BEND7: variants seen among roughly 807,000 people sequenced by gnomAD.
BEND7 encodes the protein BEN domain containing 7, also known as BEN domain-containing protein 7.
BEND7 carries 28 observed loss-of-function variants against 50.9 expected under a neutral mutation model. The ratio of observed to expected loss-of-function variants is 0.55; its 90% CI spans 0.41 to 0.75. The LOEUF (loss-of-function observed/expected upper bound fraction) is 0.75. BEND7 is among the 30% of genes least tolerant of loss of function. The pLI, the probability that BEND7 is intolerant of heterozygous loss-of-function variation, is 0.00. For missense variants in BEND7, 477 were observed against 491.3 expected (o/e 0.97, Z 0.28); for synonymous variants, 170 against 183.9 (o/e 0.92, Z 0.61).
chr10:13,492,799 T>G lies in BEND7; in HGVS notation c.649A>C (p.Lys217Gln). 1 of 1,608,556 alleles carries G rather than the reference T, an allele frequency of 6.2e-7. No individual in the cohort carries two copies. The change falls in exon 5 of 9, where the codon AAA becomes CAA. Residue 217 changes from lysine to glutamine, a missense_variant. Coordinates refer to ENST00000466271, the MANE Select transcript of BEND7 (RefSeq NM_001369863.1). Reference protein sequence around the residue: ...QRTAVSRKRNKKKKVPPKTVE... With the variant: ...QRTAVSRKRNQKKKVPPKTVE... ...GTCTTTGGGGGCACTTTTTTCTTTT[T>G]ATTTCTCTTTCGTGAGACAGCAGTT...
chr10:13,517,004 G>C (rs2132581885), intron 2 of BEND7, among the ~76,000 whole-genome samples: 1 of 151,018 alleles, frequency 6.6e-6, no homozygotes, highest in African/African-American at 2.4e-5. Context: ...TATTCTTTAA[G>C]AAGCAAGCAG....
chr10:13,480,515 C>CTTTT (rs112536172), intron 6 of BEND7: 8 of 436,810 alleles, frequency 1.8e-5, no homozygotes, highest in East Asian at 1.6e-4. Flanking sequence ...TTTACTTTAT[C>CTTTT]TTTTTTTTTT....
intron 2 of BEND7, among the ~76,000 whole-genome samples, chr10:13,510,698 T>G (rs2078213470): frequency 6.6e-6 from 1 of 152,206 alleles, no homozygotes; most frequent in Admixed American, 6.5e-5. Context: ...TAAATCTGCC[T>G]GGTTCCAAAT....
intron 7 of BEND7, among the ~76,000 whole-genome samples, chr10:13,449,950 T>C (rs747193917): frequency 1.1e-4 from 17 of 152,190 alleles, no homozygotes; most frequent in Non-Finnish European, 2.2e-4. Context: ...GTTGGTAAAT[T>C]TGGAAAAGAT....
intron 5 of BEND7, among the ~76,000 whole-genome samples, chr10:13,485,632 C>A (rs2076172373): frequency 6.6e-6 from 1 of 152,194 alleles, no homozygotes; most frequent in African/African-American, 2.4e-5. Context: ...TAGTCTATGT[C>A]CATACCACTA....
chr10:13,444,089 C>T (rs1431615947), intron 8 of BEND7: 2 of 151,814 alleles, frequency 1.3e-5, no homozygotes. Context: ...TGCAAATTGT[C>T]CCCAGCTCCT....
chr10:13,500,195 G>A, intron 2 of BEND7, 115 bp from the exon 3 acceptor site: 4 of 933,720 alleles, frequency 4.3e-6, no homozygotes, highest in Non-Finnish European at 6.3e-6. Flanking sequence ...AAAGATGACT[G>A]ACTCTATGAA....
chr10:13,522,854 C>T (rs904905058), intron 2 of BEND7, among the ~76,000 whole-genome samples: 23 of 152,310 alleles, frequency 1.5e-4, no homozygotes, highest in Middle Eastern at 3.4e-3. Context: ...CAGGTCACCT[C>T]GACATCTCTA....
At chr10:13,501,638 G>A (rs1399917704) in intron 2 of BEND7, among the ~76,000 whole-genome samples, 1 of 152,078 alleles carries the variant, frequency 6.6e-6, no homozygotes, top group Non-Finnish European at 1.5e-5. Flanking sequence ...TTTGAGCTCA[G>A]GAGTTTGCGA....
intron 6 of BEND7, among the ~76,000 whole-genome samples, chr10:13,457,403 A>G (rs1007519907): frequency 2.6e-5 from 4 of 152,194 alleles, no homozygotes; most frequent in Non-Finnish European, 4.4e-5. Flanking sequence ...TCTAGTTTCA[A>G]TGAAAACTTA....
intron 6 of BEND7, among the ~76,000 whole-genome samples, chr10:13,477,517 A>C (rs2075542030): frequency 6.6e-6 from 1 of 152,238 alleles, no homozygotes; most frequent in Non-Finnish European, 1.5e-5. Context: ...ACAACAACAA[A>C]AAAGACCTTA....
chr10:13,454,419 C>T (rs1838466068), intron 6 of BEND7, among the ~76,000 whole-genome samples: 1 of 150,848 alleles, frequency 6.6e-6, no homozygotes, highest in Admixed American at 6.6e-5. Flanking sequence ...CCAGCCTGGG[C>T]AATACAGTGA....
chr10:13,507,927 C>A (rs1890879), intron 2 of BEND7, among the ~76,000 whole-genome samples: 4 of 152,006 alleles, frequency 2.6e-5, no homozygotes, highest in African/African-American at 9.7e-5. Context: ...AATAAGATGA[C>A]CAGGATTATA....
chr10:13,460,798 G>T (rs1338657792), intron 6 of BEND7, among the ~76,000 whole-genome samples: 4 of 152,198 alleles, frequency 2.6e-5, no homozygotes, highest in African/African-American at 9.6e-5. Context: ...TACACAAACT[G>T]GGGGGAGGGT....
intron 1 of BEND7, among the ~76,000 whole-genome samples, chr10:13,528,186 C>T (rs1307105195): frequency 6.6e-6 from 1 of 152,114 alleles, no homozygotes; most frequent in Non-Finnish European, 1.5e-5. Context: ...CAGCCCTGCC[C>T]CGGAGGCGCC....
At chr10:13,501,555 C>T (rs2077466543) in intron 2 of BEND7, among the ~76,000 whole-genome samples, 1 of 151,608 alleles carries the variant, frequency 6.6e-6, no homozygotes, top group South Asian at 2.1e-4. Flanking sequence ...AAGATAAAAT[C>T]TTAGGCCACT....
chr10:13,498,500 C>T (rs7898153), intron 3 of BEND7, among the ~76,000 whole-genome samples: 80,414 of 152,056 alleles, frequency 0.53, 21,623 homozygotes, highest in Non-Finnish European at 0.57. Context: ...TACTGGGAAA[C>T]AGAACACTGT....
intron 2 of BEND7, among the ~76,000 whole-genome samples, chr10:13,505,700 G>A (rs920113250): frequency 1.3e-5 from 2 of 152,178 alleles, no homozygotes; most frequent in Admixed American, 1.3e-4. Context: ...GGCTGCTGAG[G>A]ACAATGCTAT....
chr10:13,444,102 G>GT (rs1835790013), intron 8 of BEND7: 1 of 151,708 alleles, frequency 6.6e-6, no homozygotes, highest in Non-Finnish European at 1.5e-5. Context: ...CAGCTCCTGG[G>GT]TGGCTTTTCT....
Sources: gnomAD v4.1 joint callset for allele counts (sites outside exome capture counted in the v4.1 genomes callset) on GRCh38, gnomAD v4.1.1 for gene constraint, MANE v1.5 for transcripts, NCBI Gene and HGNC (gene_info 2026-07-23, HGNC 2026-07-21) for gene names.